GSE1: variants seen among roughly 807,000 people sequenced by gnomAD.
GSE1 encodes genetic suppressor element 1.
GSE1 carries 32 observed loss-of-function variants against 112.6 expected under a neutral mutation model. The observed-to-expected ratio is 0.28, with a 90% CI of 0.21 to 0.38. The LOEUF is 0.38. Among genes scored for constraint, GSE1 ranks in the 10% least tolerant of loss-of-function variants. GSE1 has a pLI of 1.00. For missense variants in GSE1, 2,348 were observed against 1,699.2 expected, an observed-to-expected ratio of 1.38 and a Z score of -6.71; for synonymous variants, 1,115 against 735.6, an observed-to-expected ratio of 1.52 and a Z score of -8.35.
chr16:85,640,444 G>A (rs1001350367), intron 2 of GSE1, among the ~76,000 whole-genome samples: 6 of 152,250 alleles, frequency 3.9e-5, no homozygotes, highest in East Asian at 1.9e-4. Flanking sequence ...CGAGGCCCGC[G>A]GGGCCCTGTG....
chr16:85,461,700 G>T (rs893627940), intron 2 of GSE1, among the ~76,000 whole-genome samples: 18 of 152,136 alleles, frequency 1.2e-4, no homozygotes, highest in Non-Finnish European at 2.4e-4. Context: ...GCAGTCGGTG[G>T]GCTGGGATAG....
chr16:85,278,712 G>C (rs898311716), intron 1 of GSE1: 1 of 152,280 alleles, frequency 6.6e-6, no homozygotes, highest in African/African-American at 2.4e-5. Context: ...TATTTCTCAA[G>C]AGAAACTATT....
chr16:85,297,245 G>A (rs117506407), intron 1 of GSE1, among the ~76,000 whole-genome samples: 12 of 152,362 alleles, frequency 7.9e-5, no homozygotes, highest in Non-Finnish European at 1.6e-4. Flanking sequence ...TGGGCCACCA[G>A]GTCAGTGGGC....
intron 1 of GSE1, among the ~76,000 whole-genome samples, chr16:85,177,107 C>A (rs766861777): frequency 6.6e-6 from 1 of 152,158 alleles, no homozygotes; most frequent in Non-Finnish European, 1.5e-5. Context: ...CGGAGGCAGT[C>A]GGAGAAAACC....
intron 1 of GSE1, among the ~76,000 whole-genome samples, chr16:85,200,232 A>C (rs1019642580): frequency 6.6e-6 from 1 of 152,030 alleles, no homozygotes; most frequent in Non-Finnish European, 1.5e-5. Flanking sequence ...TCTTTCTACC[A>C]GGGGTCTTGA....
intron 1 of GSE1, among the ~76,000 whole-genome samples, chr16:85,258,306 A>C (rs1007943517): frequency 2.0e-5 from 3 of 152,194 alleles, no homozygotes; most frequent in African/African-American, 7.2e-5. Flanking sequence ...CTGGAGTCAC[A>C]CAGACTGAGC....
intron 2 of GSE1, among the ~76,000 whole-genome samples, chr16:85,466,695 T>TAG (rs1405773532): frequency 8.5e-5 from 11 of 128,682 alleles, no homozygotes; most frequent in South Asian, 2.6e-4. Context: ...AAGAAATATA[T>TAG]ATATATAGAG....
intron 1 of GSE1, among the ~76,000 whole-genome samples, chr16:85,582,343 C>T (rs879689779): frequency 6.6e-5 from 10 of 152,224 alleles, no homozygotes; most frequent in Non-Finnish European, 1.2e-4. Context: ...TGGAACTCCA[C>T]TGCAGAAGCT....
Position 85,664,999 on chromosome 16 carries a change from G to T in GSE1, c.2645-16G>T. ...GATGCAACTGGCTCGTTAATCTCAG[G>T]CTGCTTTTCTCATAGACAAAGAGAG... On this transcript the variant is annotated splice_polypyrimidine_tract_variant and intron_variant, in intron 11 of 15. Coordinates refer to ENST00000253458, the MANE Select transcript of GSE1 (RefSeq NM_014615.5). The T allele has an allele frequency of 6.7e-7, 1 of 1,501,618 alleles. No individual in the cohort carries two copies. Among genetic ancestry groups the T allele is most frequent in the Non-Finnish European group, 9.3e-7 (1 of 1,077,838 alleles). The allele number at this position is 1,501,618 out of a possible 1,614,324, so 93.0% of individuals were successfully genotyped here.
At chr16:85,630,060 A>G (rs2049413084) in intron 1 of GSE1, among the ~76,000 whole-genome samples, 1 of 152,142 alleles carries the variant, frequency 6.6e-6, no homozygotes, top group South Asian at 2.1e-4. Flanking sequence ...GGGCTGGAGG[A>G]TTCATTGCCA....
chr16:85,244,218 G>A (rs529641376), intron 1 of GSE1, among the ~76,000 whole-genome samples: 4 of 152,306 alleles, frequency 2.6e-5, no homozygotes, highest in East Asian at 1.9e-4. Flanking sequence ...TAATCACAGC[G>A]TCCTTGTAAG....
Position 85,673,990 on chromosome 16 carries a change from G to C in GSE1, c.*1451G>C, listed in dbSNP as rs1462994857. On this transcript the variant is annotated 3_prime_UTR_variant, in exon 16 of 16. Transcript: ENST00000253458. ...CAAGCACAGGAACGGTCAGAAACTGGGCTCATCACACCAAGGCAAAGCAAC... is the reference window on the plus strand; with the variant it reads ...CAAGCACAGGAACGGTCAGAAACTGCGCTCATCACACCAAGGCAAAGCAAC... 2.6e-5 allele frequency: 4 copies of C among 152,236 alleles called. No individual in the cohort carries two copies. Among genetic ancestry groups the C allele is most frequent in the Non-Finnish European group, 5.9e-5 (4 of 68,070 alleles). 9.4% of individuals were successfully genotyped at this position (152,236 alleles called of 1,614,324 possible). A position where few individuals can be genotyped will look rare whatever the true frequency, so the allele number is the denominator to read the frequency against.
intron 1 of GSE1, chr16:85,556,372 G>A: frequency 2.0e-6 from 2 of 984,058 alleles, no homozygotes; most frequent in Non-Finnish European, 2.4e-6. Context: ...AGGTAAGCGA[G>A]CCGTGCGCCT....
intron 1 of GSE1, among the ~76,000 whole-genome samples, chr16:85,235,989 C>CCTGGGG (rs1203819417): frequency 6.6e-6 from 1 of 151,636 alleles, no homozygotes; most frequent in Admixed American, 6.5e-5. Context: ...TGGGCCTGGG[C>CCTGGGG]CTGGGCCTGG....
intron 2 of GSE1, among the ~76,000 whole-genome samples, chr16:85,447,011 C>A (rs796135203): frequency 1.1e-4 from 16 of 152,272 alleles, no homozygotes; most frequent in African/African-American, 3.8e-4. Context: ...CCATGGGCCA[C>A]ACGCCTTGAG....
chr16:85,570,796 C>G (rs982491486), intron 1 of GSE1, among the ~76,000 whole-genome samples: 41 of 152,204 alleles, frequency 2.7e-4, no homozygotes, highest in African/African-American at 9.4e-4. Flanking sequence ...GGTGGAAAGT[C>G]TGTCACAGGA....
intron 1 of GSE1, among the ~76,000 whole-genome samples, chr16:85,265,464 C>T (rs1046777038): frequency 2.6e-5 from 4 of 152,178 alleles, no homozygotes; most frequent in African/African-American, 9.7e-5. Flanking sequence ...CTGCTGACAT[C>T]GTTGCCCCAG....
At chr16:85,637,874 G>T (rs889266957) in intron 2 of GSE1, among the ~76,000 whole-genome samples, 2 of 152,190 alleles carry the variant, frequency 1.3e-5, no homozygotes, top group Non-Finnish European at 2.9e-5. Flanking sequence ...CAGCTCAGCG[G>T]CCCGCAGCCA....
At chr16:85,547,741 C>T (rs111304392) in intron 2 of GSE1, among the ~76,000 whole-genome samples, 291 of 151,664 alleles carry the variant, frequency 1.9e-3, no homozygotes, top group African/African-American at 6.7e-3. Context: ...ATTAGCCAGG[C>T]GTGGTGGCAT....
Sources: allele counts gnomAD v4.1 joint callset (sites outside exome capture counted in the v4.1 genomes callset), GRCh38; gene constraint gnomAD v4.1.1; transcripts MANE v1.5; gene names NCBI Gene and HGNC (gene_info 2026-07-23, HGNC 2026-07-21).